FUNDC2: variants seen among roughly 807,000 people sequenced by gnomAD.
The protein encoded by FUNDC2 is FUN14 domain-containing protein 2.
Under a neutral mutation model 15.6 loss-of-function variants are expected in FUNDC2, and 4 were observed. The observed-to-expected ratio is 0.26, with a 90% confidence interval of 0.13 to 0.59. The LOEUF (loss-of-function observed/expected upper bound fraction) is 0.59. Ranked by LOEUF, FUNDC2 falls within the 20% of genes least tolerant of loss-of-function variation. The pLI is 0.90. For missense variants in FUNDC2, 98 were observed against 149.7 expected, an observed-to-expected ratio of 0.65 and a Z score of 1.80; for synonymous variants, 44 against 56.9, an observed-to-expected ratio of 0.77 and a Z score of 1.02.
At chrX:155,051,509 A>G in intron 3 of FUNDC2, 161 bp from the exon 4 acceptor site, 2 of 492,787 alleles carry the variant, frequency 4.1e-6, no homozygotes, top group Non-Finnish European at 6.8e-6. Context: ...TATAGGGGGG[A>G]TGCTGAGTAG....
intron 2 of FUNDC2, among the ~76,000 whole-genome samples, chrX:155,039,495 A>G (rs1320001816): frequency 1.8e-5 from 2 of 112,302 alleles, no homozygotes; most frequent in Non-Finnish European, 3.8e-5. Context: ...TCTTATATTT[A>G]AGTATTTAAT....
chrX:155,038,622 C>T (rs1557289343), intron 2 of FUNDC2, among the ~76,000 whole-genome samples: 1 of 112,086 alleles, frequency 8.9e-6, no homozygotes, highest in African/African-American at 3.2e-5. Flanking sequence ...TCTTTCTGTG[C>T]CTGACTTATT....
At position 155,055,206 on chromosome X, in the gene FUNDC2, C is replaced by T; in HGVS notation, c.*534C>T. ...ATAATTATGCCGACAAAATTGGCAG[C>T]ATAATTACTGTAATTGAAAAATCTG... On this transcript the variant is annotated 3_prime_UTR_variant, in exon 5 of 5. Coordinates refer to ENST00000369498, the MANE Select transcript of FUNDC2 (RefSeq NM_023934.4). 1 of 297,717 alleles carries T rather than the reference C, an allele frequency of 3.4e-6. No individual in the cohort carries two copies. The highest frequency in any genetic ancestry group is 5.9e-6 in the Non-Finnish European group (1 of 170,683). The allele number at this position is 297,717 out of a possible 1,213,427, so 24.5% of individuals were successfully genotyped here.
At chrX:155,046,644 G>A in intron 3 of FUNDC2, 60 bp downstream of exon 3, 8 of 929,495 alleles carry the variant, frequency 8.6e-6, no homozygotes, top group Non-Finnish European at 1.3e-5. Flanking sequence ...AAGGAATGTG[G>A]TGTGGGGAGT....
chrX:155,047,491 G>A (rs1347541587), intron 3 of FUNDC2: 24 of 335,839 alleles, frequency 7.1e-5, no homozygotes, highest in Non-Finnish European at 1.2e-4. Flanking sequence ...GGCTGTAGCT[G>A]GGTTGAGTGT....
rs1431949992 is a variant in FUNDC2, at chrX:155,058,696, ACTAACAT to A, written c.*4027_*4033del. 9.0e-6 allele frequency: 1 copy of A among 110,815 alleles called. No homozygotes were observed. Among genetic ancestry groups the A allele is most frequent in the African/African-American group, 3.3e-5 (1 of 30,424 alleles). The allele number at this position is 110,815 out of a possible 1,213,427, so 9.1% of individuals were successfully genotyped here. A position where few individuals can be genotyped will look rare whatever the true frequency, so the allele number is the denominator to read the frequency against. ...TCTGCCCAATTTTCTAAGAGGTCAC[ACTAACAT>A]CTGAGTAATTGGGCAGAAAACCTAT... On this transcript the variant is annotated 3_prime_UTR_variant, in exon 5 of 5. Transcript: ENST00000369498.
chrX:155,045,883 A>G (rs2073860577), intron 2 of FUNDC2, among the ~76,000 whole-genome samples: 1 of 111,263 alleles, frequency 9.0e-6, no homozygotes, highest in African/African-American at 3.3e-5. Context: ...AGACAGTAAT[A>G]AAGAAACACA....
intron 2 of FUNDC2, among the ~76,000 whole-genome samples, chrX:155,037,497 T>A (rs1258873806): frequency 9.0e-6 from 1 of 111,551 alleles, no homozygotes; most frequent in African/African-American, 3.3e-5. Context: ...TTATTTATTT[T>A]TTTTGAGACA....
At chrX:155,053,020 C>T (rs868972203) in intron 4 of FUNDC2, among the ~76,000 whole-genome samples, 3 of 111,181 alleles carry the variant, frequency 2.7e-5, no homozygotes, top group Middle Eastern at 4.6e-3. Flanking sequence ...AGGTGTGTAC[C>T]ACCACACCCG....
At chrX:155,051,572 T>C in intron 3 of FUNDC2, 98 bp from the exon 4 acceptor site, 1 of 942,181 alleles carries the variant, frequency 1.1e-6, no homozygotes, top group African/African-American at 1.9e-5. Context: ...AAATGGAAAG[T>C]CAGAGGGTTT....
intron 4 of FUNDC2, among the ~76,000 whole-genome samples, chrX:155,052,120 C>T (rs1419781549): frequency 4.5e-5 from 5 of 112,223 alleles, no homozygotes; most frequent in South Asian, 3.7e-4. Flanking sequence ...TCGCTATACA[C>T]GCATATCTCT....
At chrX:155,041,477 T>C (rs1412693867) in intron 2 of FUNDC2, among the ~76,000 whole-genome samples, 4 of 111,193 alleles carry the variant, frequency 3.6e-5, no homozygotes, top group Non-Finnish European at 7.6e-5. Context: ...CTATATGATA[T>C]CATTTTCCCC....
At position 155,056,536 on chromosome X, in the gene FUNDC2, T is replaced by G. The variant is rs1313425408; in HGVS notation, c.*1864T>G. 2.8e-5 allele frequency: 3 copies of G among 106,081 alleles called. No individual in the cohort carries two copies. The highest frequency in any genetic ancestry group is 8.2e-4 in the South Asian group (2 of 2,432). 8.7% of individuals were successfully genotyped at this position (106,081 alleles called of 1,213,427 possible). On this transcript the variant is annotated 3_prime_UTR_variant, in exon 5 of 5. Transcript: ENST00000369498. ...AGATCCTCCTCTATTTTTTTTTTTTTGCTTGCTATATATTTATATCTCTAT... is the reference window on the plus strand; with the variant it reads ...AGATCCTCCTCTATTTTTTTTTTTTGGCTTGCTATATATTTATATCTCTAT...
rs782492540 is a variant in FUNDC2 at position 155,054,416 on chromosome X, A to G, written c.493-179A>G. On this transcript the variant is annotated intron_variant, in intron 4 of 4. Transcript: ENST00000369498. ...AGTAGTCATTTTCATATGTAAGTCT[A>G]TTTAATTATTATTAAATAGACTATT... is the stretch of plus-strand genomic sequence containing the variant. The G allele has an allele frequency of 5.9e-5, 44 of 747,722 alleles. No homozygotes were observed. In the South Asian group the frequency reaches 2.1e-3, roughly 36 times the overall value. The allele number at this position is 747,722 out of a possible 1,213,427, so 61.6% of individuals were successfully genotyped here.
intron 1 of FUNDC2, among the ~76,000 whole-genome samples, chrX:155,030,467 G>A (rs1182799964): frequency 9.2e-6 from 1 of 109,256 alleles, no homozygotes; most frequent in Non-Finnish European, 1.9e-5. Context: ...CTTGAGCCCA[G>A]AAGTTTGAAG....
At chrX:155,043,985 TTCTC>T (rs1351743231) in intron 2 of FUNDC2, among the ~76,000 whole-genome samples, 15 of 112,239 alleles carry the variant, frequency 1.3e-4, no homozygotes, top group African/African-American at 4.9e-4. Context: ...GGCTTTAACT[TTCTC>T]TCTTAGTGAG....
chrX:155,046,433 T>G, intron 2 of FUNDC2, 76 bp from the exon 3 acceptor site: 1 of 923,371 alleles, frequency 1.1e-6, no homozygotes, highest in East Asian at 3.1e-5. Context: ...AAGTAAGATA[T>G]GAACATTGCC....
Position 155,048,792 on chromosome X carries a change from T to TATAG in FUNDC2, c.360+2211_360+2214dup, listed in dbSNP as rs782295328. Among the ~76,000 whole-genome samples the TATAG allele has an allele frequency of 2.7e-5, 3 of 112,613 alleles. No homozygotes were observed. The Admixed American group carries it at 2.8e-4, about 11-fold the overall frequency. On this transcript the variant is annotated intron_variant, in intron 3 of 4. Coordinates refer to ENST00000369498, the MANE Select transcript of FUNDC2 (RefSeq NM_023934.4). ...GAATAGACTTTTTATTATTTTTCCGTATAGATCTTGTACATCTGTGATTCA... is the reference window on the plus strand; with the variant it reads ...GAATAGACTTTTTATTATTTTTCCGTATAGATAGATCTTGTACATCTGTGATTCA...
At chrX:155,046,453 T>C in intron 2 of FUNDC2, 56 bp from the exon 3 acceptor site, 1 of 1,013,181 alleles carries the variant, frequency 9.9e-7, no homozygotes, top group Non-Finnish European at 1.4e-6. Flanking sequence ...CAGAAATGCA[T>C]GTTTGTATGT....
Sources: gnomAD v4.1 joint callset for allele counts (sites outside exome capture counted in the v4.1 genomes callset) on GRCh38, gnomAD v4.1.1 for gene constraint, MANE v1.5 for transcripts, NCBI Gene and HGNC (gene_info 2026-07-23, HGNC 2026-07-21) for gene names.